MALRD1: variants seen among roughly 807,000 people sequenced by gnomAD.
The protein encoded by MALRD1 is MAM and LDL receptor class A domain containing 1.
In MALRD1, 247 loss-of-function variants were observed where a neutral mutation model predicts 242.1. The ratio of observed to expected loss-of-function variants is 1.02; its 90% CI spans 0.92 to 1.13. The LOEUF is 1.13. Ranked by LOEUF, MALRD1 falls within the 50% of genes most tolerant of loss-of-function variation. The pLI is 0.00. For missense variants in MALRD1, 2,989 were observed against 2,533.1 expected (o/e 1.18, Z -3.86); for synonymous variants, 995 against 866.6 (o/e 1.15, Z -2.60).
intron 12 of MALRD1, among the ~76,000 whole-genome samples, chr10:19,156,472 T>C (rs985895161): frequency 1.4e-4 from 21 of 151,682 alleles, no homozygotes; most frequent in Non-Finnish European, 2.5e-4. Context: ...GTTTTTTTTT[T>C]TTTTTTTGAG....
intron 18 of MALRD1, among the ~76,000 whole-genome samples, chr10:19,247,678 CATT>C (rs1475519394): frequency 1.3e-5 from 2 of 151,848 alleles, no homozygotes; most frequent in South Asian, 2.1e-4. Flanking sequence ...ATAACATTAA[CATT>C]ATATTTTTAT....
intron 26 of MALRD1, among the ~76,000 whole-genome samples, chr10:19,381,305 A>G (rs1845829227): frequency 6.6e-6 from 1 of 151,028 alleles, no homozygotes; most frequent in South Asian, 2.1e-4. Flanking sequence ...AATCCAGTCT[A>G]TCATTGTTGG....
At chr10:19,717,058 A>G (rs373147151) in intron 38 of MALRD1, among the ~76,000 whole-genome samples, 16 of 152,210 alleles carry the variant, frequency 1.1e-4, no homozygotes, top group African/African-American at 3.4e-4. Flanking sequence ...AGATACTATC[A>G]GGTGTTTTAT....
chr10:19,396,038 G>A (rs988427291), intron 28 of MALRD1, among the ~76,000 whole-genome samples: 3 of 151,776 alleles, frequency 2.0e-5, no homozygotes, highest in Non-Finnish European at 4.4e-5. Context: ...TATTATTGTT[G>A]CCATTCTATT....
chr10:19,728,876 T>G (rs750239703), intron 38 of MALRD1, among the ~76,000 whole-genome samples: 15 of 152,306 alleles, frequency 9.8e-5, no homozygotes, highest in Admixed American at 3.9e-4. Context: ...GAATTTAACA[T>G]AGACTAGTCT....
chr10:19,139,435 C>T (rs1554796340), intron 10 of MALRD1, among the ~76,000 whole-genome samples: 2 of 151,950 alleles, frequency 1.3e-5, no homozygotes, highest in Non-Finnish European at 2.9e-5. Flanking sequence ...ACCTTTATAT[C>T]TTTTTTTTCT....
intron 38 of MALRD1, among the ~76,000 whole-genome samples, chr10:19,725,284 G>T (rs1423097341): frequency 1.3e-5 from 2 of 152,136 alleles, no homozygotes; most frequent in East Asian, 3.9e-4. Flanking sequence ...CCCTCATGCT[G>T]CTATTCTCAG....
At chr10:19,334,260 T>G (rs562731354) in intron 24 of MALRD1, among the ~76,000 whole-genome samples, 8 of 151,926 alleles carry the variant, frequency 5.3e-5, no homozygotes, top group African/African-American at 1.4e-4. Context: ...AAATTCAGTT[T>G]CCTTGGTTTT....
At chr10:19,126,266 C>A (rs1286117259) in intron 7 of MALRD1, among the ~76,000 whole-genome samples, 1 of 152,104 alleles carries the variant, frequency 6.6e-6, no homozygotes, top group Non-Finnish European at 1.5e-5. Context: ...GCACATATAT[C>A]ATCACTTGCA....
intron 28 of MALRD1, among the ~76,000 whole-genome samples, chr10:19,395,115 T>C (rs1846520854): frequency 6.6e-6 from 1 of 152,172 alleles, no homozygotes; most frequent in South Asian, 2.1e-4. Context: ...ATAGTTTTGT[T>C]ATATTGTACT....
At chr10:19,064,816 A>G (rs899273634) in intron 1 of MALRD1, among the ~76,000 whole-genome samples, 2 of 151,872 alleles carry the variant, frequency 1.3e-5, no homozygotes, top group Admixed American at 6.6e-5. Flanking sequence ...GGTGCTGTTA[A>G]ACATCCATCT....
chr10:19,426,592 A>G (rs1418790837), intron 28 of MALRD1, among the ~76,000 whole-genome samples: 1 of 152,152 alleles, frequency 6.6e-6, no homozygotes, highest in East Asian at 1.9e-4. Flanking sequence ...ATTTGAGGTC[A>G]GGAGTTTGAG....
chr10:19,257,426 A>C (rs1446511497), intron 18 of MALRD1, among the ~76,000 whole-genome samples: 1 of 152,056 alleles, frequency 6.6e-6, no homozygotes, highest in Non-Finnish European at 1.5e-5. Context: ...AATATACTGA[A>C]ATTTCAAAAA....
chr10:19,489,051 G>T (rs1331262183), intron 29 of MALRD1: 1 of 457,882 alleles, frequency 2.2e-6, no homozygotes, highest in Non-Finnish European at 4.4e-6. Flanking sequence ...GGAGGGTGGA[G>T]GGGCGGCAGC....
At chr10:19,334,743 C>T (rs1371912467) in intron 24 of MALRD1, among the ~76,000 whole-genome samples, 2 of 151,880 alleles carry the variant, frequency 1.3e-5, no homozygotes, top group Non-Finnish European at 2.9e-5. Flanking sequence ...ATATTTTCTG[C>T]TATTAGTTAT....
chr10:19,451,879 C>T (rs1004521786), intron 29 of MALRD1, among the ~76,000 whole-genome samples: 1 of 151,994 alleles, frequency 6.6e-6, no homozygotes, highest in African/African-American at 2.4e-5. Flanking sequence ...TGTTTCATAC[C>T]ATGTAAGGAG....
At chr10:19,238,491 A>C (rs1405343641) in intron 18 of MALRD1, among the ~76,000 whole-genome samples, 1 of 8,030 alleles carries the variant, frequency 1.2e-4, no homozygotes, top group Non-Finnish European at 2.2e-4. Context: ...CATTATATAT[A>C]ATATATAATA....
In MALRD1 at chr10:19,381,058, C is replaced by A. The variant is rs190860076; in HGVS notation, c.4442-6470C>A. ...ATATCTCCCAGTGCTATCCCTCCCC[C>A]CTCCCCCCACCCCACCACAGTCCCC... is the stretch of plus-strand genomic sequence containing the variant. On this transcript the variant is annotated intron_variant, in intron 26 of 39. Transcript: ENST00000454679. 5.2e-5 allele frequency among the ~76,000 whole-genome samples: 6 copies of A among 116,194 alleles called. No individual in the cohort carries two copies. The East Asian group carries it at 1.8e-3, about 36-fold the overall frequency. 76.2% of individuals were successfully genotyped at this position (116,194 alleles called of 152,430 possible). A position where few individuals can be genotyped will look rare whatever the true frequency, so the allele number is the denominator to read the frequency against.
chr10:19,122,838 G>T (rs978808823), intron 5 of MALRD1, among the ~76,000 whole-genome samples: 2 of 152,066 alleles, frequency 1.3e-5, no homozygotes, highest in South Asian at 4.1e-4. Context: ...CAATTCTCCT[G>T]CCTCAGCCTC....
Sources: allele counts gnomAD v4.1 joint callset (sites outside exome capture counted in the v4.1 genomes callset), GRCh38; gene constraint gnomAD v4.1.1; transcripts MANE v1.5; gene names NCBI Gene and HGNC (gene_info 2026-07-23, HGNC 2026-07-21).